Variants in SH3RF3 observed in about 807,000 individuals in gnomAD.
SH3RF3 encodes the protein SH3 domain containing ring finger 3, also known as E3 ubiquitin-protein ligase SH3RF3.
A neutral mutation model predicts 66.3 loss-of-function variants in SH3RF3; 29 were observed. The ratio of observed to expected loss-of-function variants is 0.44; its 90% CI spans 0.33 to 0.60. SH3RF3 has a LOEUF of 0.60. Among genes scored for constraint, SH3RF3 ranks in the 20% least tolerant of loss-of-function variants. SH3RF3 has a pLI of 0.04. For missense variants in SH3RF3, 1,194 were observed against 1,190.9 expected (o/e 1.00, Z -0.04); for synonymous variants, 583 against 532.0 (o/e 1.10, Z -1.32).
chr2:109,400,575 G>A (rs57825002), intron 4 of SH3RF3, among the ~76,000 whole-genome samples: 73,179 of 147,008 alleles, frequency 0.5, 17,953 homozygotes, highest in South Asian at 0.57. Flanking sequence ...ACACCTGTGC[G>A]CACACACACA....
chr2:109,152,406 AAAT>A (rs1257950050), intron 1 of SH3RF3, among the ~76,000 whole-genome samples: 2 of 152,226 alleles, frequency 1.3e-5, no homozygotes. Flanking sequence ...CAAATCAAAT[AAAT>A]AATTCTGGGC....
intron 8 of SH3RF3, among the ~76,000 whole-genome samples, chr2:109,476,500 T>C (rs919050045): frequency 6.6e-6 from 1 of 152,218 alleles, no homozygotes; most frequent in African/African-American, 2.4e-5. Context: ...ACCCAAGATA[T>C]TTGGACCTTC....
At chr2:109,360,980 T>C (rs761141290) in intron 2 of SH3RF3, among the ~76,000 whole-genome samples, 1 of 152,236 alleles carries the variant, frequency 6.6e-6, no homozygotes, top group Non-Finnish European at 1.5e-5. Context: ...ATGTTCTTTA[T>C]CAAGTTGAAG....
At chr2:109,418,310 C>T (rs1056740338) in intron 4 of SH3RF3, among the ~76,000 whole-genome samples, 3 of 152,118 alleles carry the variant, frequency 2.0e-5, no homozygotes, top group Non-Finnish European at 2.9e-5. Context: ...ATGGAGTGTC[C>T]TGAGGCTTCC....
At chr2:109,192,140 A>G (rs546048958) in intron 1 of SH3RF3, among the ~76,000 whole-genome samples, 1 of 152,172 alleles carries the variant, frequency 6.6e-6, no homozygotes, top group South Asian at 2.1e-4. Context: ...GGTACCCAAT[A>G]TTGGTTCTTT....
chr2:109,307,620 G>A (rs1222578577), intron 1 of SH3RF3, among the ~76,000 whole-genome samples: 8 of 129,336 alleles, frequency 6.2e-5, no homozygotes, highest in Non-Finnish European at 9.3e-5. Context: ...TCCCCTTCCT[G>A]TGTCCATGTG....
chr2:109,218,423 T>C (rs1679151649), intron 1 of SH3RF3, among the ~76,000 whole-genome samples: 1 of 152,228 alleles, frequency 6.6e-6, no homozygotes, highest in Non-Finnish European at 1.5e-5. Flanking sequence ...GAAAATGTTA[T>C]GCTTAACAAA....
chr2:109,432,228 A>G (rs1003904340), intron 5 of SH3RF3, among the ~76,000 whole-genome samples: 5 of 152,176 alleles, frequency 3.3e-5, no homozygotes, highest in African/African-American at 1.2e-4. Context: ...CCTATCTGTC[A>G]GATGGGCAGG....
intron 8 of SH3RF3, among the ~76,000 whole-genome samples, chr2:109,480,144 A>G (rs961057658): frequency 1.3e-5 from 2 of 152,212 alleles, no homozygotes; most frequent in African/African-American, 4.8e-5. Context: ...ACACTTGCAT[A>G]TCAACCACAT....
chr2:109,432,748 A>G (rs1467061091), intron 6 of SH3RF3, 77 bp downstream of exon 6: 6 of 1,509,308 alleles, frequency 4.0e-6, no homozygotes, highest in Non-Finnish European at 5.3e-6. Flanking sequence ...TTACTGCTGG[A>G]GGCTACTCTG....
At chr2:109,332,601 T>G (rs1445294172) in intron 1 of SH3RF3, among the ~76,000 whole-genome samples, 2 of 152,190 alleles carry the variant, frequency 1.3e-5, no homozygotes, top group Non-Finnish European at 2.9e-5. Context: ...CTTAGCTCAC[T>G]GTGCTGTGCT....
At chr2:109,231,470 T>A (rs1454539818) in intron 1 of SH3RF3, among the ~76,000 whole-genome samples, 1 of 152,244 alleles carries the variant, frequency 6.6e-6, no homozygotes, top group Non-Finnish European at 1.5e-5. Context: ...CACATTCTAA[T>A]GGCTAGTGCT....
At chr2:109,207,004 T>G (rs537825511) in intron 1 of SH3RF3, among the ~76,000 whole-genome samples, 52 of 152,292 alleles carry the variant, frequency 3.4e-4, no homozygotes, top group African/African-American at 1.2e-3. Context: ...GAGCGCTGCA[T>G]TTGCAGGAGG....
At chr2:109,461,021 C>CT (rs757186056) in intron 8 of SH3RF3, among the ~76,000 whole-genome samples, 2 of 152,240 alleles carry the variant, frequency 1.3e-5, no homozygotes, top group Non-Finnish European at 2.9e-5. Flanking sequence ...TCCTATGGAA[C>CT]TGCCCAGGAG....
intron 8 of SH3RF3, among the ~76,000 whole-genome samples, chr2:109,460,345 G>A (rs188970500): frequency 3.0e-4 from 45 of 152,316 alleles, no homozygotes; most frequent in Non-Finnish European, 6.0e-4. Context: ...TTGCCCCCAG[G>A]TGGATGCTGA....
intron 8 of SH3RF3, among the ~76,000 whole-genome samples, chr2:109,487,693 C>T (rs1275300768): frequency 6.6e-6 from 1 of 152,186 alleles, no homozygotes; most frequent in Non-Finnish European, 1.5e-5. Flanking sequence ...TCCAGCTCCA[C>T]CATACCCCAC....
At chr2:109,417,921 C>A (rs182093952) in intron 4 of SH3RF3, among the ~76,000 whole-genome samples, 2 of 152,274 alleles carry the variant, frequency 1.3e-5, no homozygotes, top group Admixed American at 1.3e-4. Flanking sequence ...AGCTAAGCTT[C>A]TTGCTCCTAA....
At chr2:109,351,949 C>G (rs1189068819) in intron 2 of SH3RF3, among the ~76,000 whole-genome samples, 1 of 152,198 alleles carries the variant, frequency 6.6e-6, no homozygotes, top group Non-Finnish European at 1.5e-5. Flanking sequence ...GCATTAATTC[C>G]AAACTCTGCT....
chr2:109,174,870 T>A (rs1277485879), intron 1 of SH3RF3, among the ~76,000 whole-genome samples: 2 of 152,238 alleles, frequency 1.3e-5, no homozygotes, highest in Non-Finnish European at 2.9e-5. Context: ...TTTCTGCCCC[T>A]CTGTCAACAT....
Sources: allele counts gnomAD v4.1 joint callset (sites outside exome capture counted in the v4.1 genomes callset), GRCh38; gene constraint gnomAD v4.1.1; transcripts MANE v1.5; gene names NCBI Gene and HGNC (gene_info 2026-07-23, HGNC 2026-07-21).